OR2C1: variants seen among roughly 807,000 people sequenced by gnomAD.
OR2C1 encodes olfactory receptor 2C1.
For missense variants in OR2C1, 468 were observed against 388.3 expected (o/e 1.21, Z -1.73); for synonymous variants, 209 against 167.3 (o/e 1.25, Z -1.92).
the OR2C1 span, among the ~76,000 whole-genome samples, chr16:3,327,188 CT>C: frequency 6.6e-6 from 1 of 152,034 alleles, no homozygotes; most frequent in Non-Finnish European, 1.5e-5. Flanking sequence ...CCCTCAAGGC[CT>C]TAAAAATCAC....
chr16:3,325,195 TG>T, the OR2C1 span, among the ~76,000 whole-genome samples: 1 of 152,106 alleles, frequency 6.6e-6, no homozygotes, highest in Admixed American at 6.5e-5. Flanking sequence ...TTGGCCAGGC[TG>T]GTCTTGAACT....
At chr16:3,329,912 G>A in the OR2C1 span, among the ~76,000 whole-genome samples, 1 of 150,040 alleles carries the variant, frequency 6.7e-6, no homozygotes, top group Admixed American at 6.7e-5. Flanking sequence ...CCGCCATTAT[G>A]CCTGGCTAAT....
At chr16:3,345,359 A>G in the OR2C1 span, among the ~76,000 whole-genome samples, 6 of 151,390 alleles carry the variant, frequency 4.0e-5, no homozygotes, top group South Asian at 4.2e-4. Flanking sequence ...GATGGCGGGC[A>G]CCTGTAGTCC....
chr16:3,354,163 TTAGTAGAGAC>T (rs2030622513), upstream of OR2C1, among the ~76,000 whole-genome samples: 1 of 152,058 alleles, frequency 6.6e-6, no homozygotes, highest in Non-Finnish European at 1.5e-5. Flanking sequence ...TTTTGTATTA[TTAGTAGAGAC>T]GGGGTTTCAC....
In OR2C1 at chr16:3,355,925, C is replaced by T. The variant is rs2030658521; in HGVS notation, c.-16C>T. 6.4e-7 allele frequency: 1 copy of T among 1,567,022 alleles called. No homozygotes were observed. The highest frequency in any genetic ancestry group is 1.2e-5 in the South Asian group (1 of 84,694). ...TGCGCTAAATGAATTCATCAAGTGA[C>T]TGAAGACAACCAGTGATGGACGGGG... On this transcript the variant is annotated 5_prime_UTR_variant, in exon 1 of 1. Transcript: ENST00000304936.
At chr16:3,323,673 G>C in the OR2C1 span, 1 of 688,156 alleles carries the variant, frequency 1.5e-6, no homozygotes. Context: ...GCCAAGGAAT[G>C]TTTATCTGGC....
upstream of OR2C1, chr16:3,355,841 G>A (rs574131237): frequency 1.6e-4 from 135 of 820,822 alleles, no homozygotes; most frequent in East Asian, 8.6e-4. Context: ...CTATTAGACC[G>A]TTCCTGATGC....
chr16:3,342,123 C>T, the OR2C1 span, among the ~76,000 whole-genome samples: 1 of 152,044 alleles, frequency 6.6e-6, no homozygotes, highest in Admixed American at 6.6e-5. Context: ...TGGTGGCACA[C>T]GTCTGTAGTC....
chr16:3,336,925 C>T, the OR2C1 span, among the ~76,000 whole-genome samples: 6 of 151,874 alleles, frequency 4.0e-5, no homozygotes, highest in African/African-American at 1.5e-4. Context: ...TCAGGCTGGT[C>T]TCGAACTCCC....
At chr16:3,348,842 C>A in the OR2C1 span, among the ~76,000 whole-genome samples, 19 of 152,270 alleles carry the variant, frequency 1.2e-4, no homozygotes, top group Admixed American at 2.6e-4. Flanking sequence ...TCACAGGGTG[C>A]CCTGTGAGTG....
At chr16:3,336,643 G>A in the OR2C1 span, among the ~76,000 whole-genome samples, 4 of 149,632 alleles carry the variant, frequency 2.7e-5, no homozygotes, top group African/African-American at 7.4e-5. Flanking sequence ...TTACAGGTGC[G>A]AGCTACCACA....
the OR2C1 span, among the ~76,000 whole-genome samples, chr16:3,342,831 C>T: frequency 6.6e-5 from 10 of 152,140 alleles, no homozygotes; most frequent in African/African-American, 2.4e-4. Flanking sequence ...GAGCCGAGAT[C>T]GCTGCACTCT....
At chr16:3,331,811 G>A in the OR2C1 span, among the ~76,000 whole-genome samples, 1 of 149,092 alleles carries the variant, frequency 6.7e-6, no homozygotes, top group Non-Finnish European at 1.5e-5. Context: ...CAATAGCAAA[G>A]ACTTGGAACC....
the OR2C1 span, among the ~76,000 whole-genome samples, chr16:3,330,390 A>G: frequency 2.6e-3 from 402 of 152,274 alleles, 1 homozygote; most frequent in African/African-American, 8.9e-3. Flanking sequence ...TGCTGGGATT[A>G]CAGATGTGAG....
At position 3,356,774 on chromosome 16, in the gene OR2C1, C is replaced by G. The variant is rs1220621164; in HGVS notation, c.834C>G (p.Tyr278Ter). ...QDQGKFISLF[Y>*]SLVTPMVNPL... ...AGGGCAAGTTCATTTCCCTGTTCTA[C>G]TCGTTGGTCACACCCATGGTGAATC... Residue 278 changes from tyrosine to a stop codon, truncating the protein, a stop_gained, in exon 1 of 1, where the codon TAC becomes TAG. Transcript: ENST00000304936. LOFTEE classifies it low-confidence loss of function (END_TRUNC). 8 of 1,614,184 alleles carry G rather than the reference C, an allele frequency of 5.0e-6. No homozygotes were observed. Among genetic ancestry groups the G allele is most frequent in the South Asian group, 3.3e-5 (3 of 91,074 alleles).
At chr16:3,345,527 C>G in the OR2C1 span, among the ~76,000 whole-genome samples, 2 of 151,642 alleles carry the variant, frequency 1.3e-5, no homozygotes, top group African/African-American at 4.8e-5. Flanking sequence ...AGGTATGGCA[C>G]TATATGTTTT....
the OR2C1 span, among the ~76,000 whole-genome samples, chr16:3,348,930 C>G: frequency 6.6e-6 from 1 of 152,070 alleles, no homozygotes; most frequent in African/African-American, 2.4e-5. Context: ...CCTTGCCCCT[C>G]AAAAGAACAA....
At chr16:3,328,015 T>A in the OR2C1 span, among the ~76,000 whole-genome samples, 1 of 152,236 alleles carries the variant, frequency 6.6e-6, no homozygotes, top group African/African-American at 2.4e-5. Flanking sequence ...CAAAATTTAA[T>A]ATCCCTATTC....
At chr16:3,351,887 C>CTT (rs35692577), upstream of OR2C1, among the ~76,000 whole-genome samples, 243 of 124,584 alleles carry the variant, frequency 2.0e-3, no homozygotes, top group South Asian at 8.2e-3. Context: ...AGCATTTAGT[C>CTT]TTTTTTTTTT....
Sources: allele counts gnomAD v4.1 joint callset (sites outside exome capture counted in the v4.1 genomes callset), GRCh38; gene constraint gnomAD v4.1.1; transcripts MANE v1.5; gene names NCBI Gene and HGNC (gene_info 2026-07-23, HGNC 2026-07-21).